The following DAB1 variants were observed in gnomAD, a reference collection of about 807,000 sequenced individuals.
The protein encoded by DAB1 is DAB adaptor protein 1.
Under a neutral mutation model 64.6 loss-of-function variants are expected in DAB1, and 15 were observed. That is an observed-to-expected ratio of 0.23 (90% CI 0.16 to 0.36). The LOEUF (loss-of-function observed/expected upper bound fraction) is 0.36. Among genes scored for constraint, DAB1 ranks in the 10% least tolerant of loss-of-function variants. The pLI is 1.00. For missense variants in DAB1, 596 were observed against 706.7 expected (o/e 0.84, Z 1.78); for synonymous variants, 235 against 251.9 (o/e 0.93, Z 0.64).
At chr1:57,636,700 AC>A (rs2101635628) in intron 7 of DAB1, among the ~76,000 whole-genome samples, 1 of 152,314 alleles carries the variant, frequency 6.6e-6, no homozygotes, top group Non-Finnish European at 1.5e-5. Flanking sequence ...CAAGGTTCTG[AC>A]TGAGCACCTG....
intron 7 of DAB1, among the ~76,000 whole-genome samples, chr1:57,599,366 A>G (rs1410343490): frequency 1.3e-5 from 2 of 152,024 alleles, no homozygotes; most frequent in African/African-American, 4.8e-5. Context: ...GCAGGGCTAC[A>G]CACTCCACTC....
intron 2 of DAB1, among the ~76,000 whole-genome samples, chr1:57,194,485 C>T (rs962812518): frequency 2.0e-5 from 3 of 152,272 alleles, no homozygotes; most frequent in African/African-American, 4.8e-5. Context: ...TTGATGATTG[C>T]TGCAAAAGAA....
At chr1:57,050,133 C>T (rs566942730) in intron 9 of DAB1, among the ~76,000 whole-genome samples, 10 of 152,206 alleles carry the variant, frequency 6.6e-5, no homozygotes, top group African/African-American at 1.2e-4. Context: ...TTGGTTTTTC[C>T]GCTCTTCTAA....
intron 1 of DAB1, among the ~76,000 whole-genome samples, chr1:57,398,145 C>T (rs534714975): frequency 2.6e-5 from 4 of 152,278 alleles, no homozygotes; most frequent in Admixed American, 2.6e-4. Context: ...ATTCAGTCAA[C>T]ACTATCGAGT....
chr1:57,267,270 A>G (rs900262263), intron 2 of DAB1, among the ~76,000 whole-genome samples: 1 of 151,568 alleles, frequency 6.6e-6, no homozygotes, highest in Non-Finnish European at 1.5e-5. Context: ...TTCCACAGGG[A>G]GTGAGTGCAA....
intron 7 of DAB1, among the ~76,000 whole-genome samples, chr1:57,578,006 C>T (rs1325696230): frequency 6.6e-6 from 1 of 152,172 alleles, no homozygotes; most frequent in Non-Finnish European, 1.5e-5. Context: ...ACAGAGGTGC[C>T]ACCTCCACTG....
At chr1:57,667,640 A>G (rs1359083680) in intron 6 of DAB1, among the ~76,000 whole-genome samples, 1 of 152,152 alleles carries the variant, frequency 6.6e-6, no homozygotes, top group African/African-American at 2.4e-5. Flanking sequence ...GCCACTAGCT[A>G]CATACGATTT....
At chr1:58,016,991 G>A (rs569085049) in intron 5 of DAB1, among the ~76,000 whole-genome samples, 67 of 152,192 alleles carry the variant, frequency 4.4e-4, no homozygotes, top group Non-Finnish European at 8.2e-4. Context: ...TCTGTTATTC[G>A]TAGATAAAGA....
intron 6 of DAB1, among the ~76,000 whole-genome samples, chr1:57,768,459 C>CT (rs1329253915): frequency 6.6e-6 from 1 of 151,390 alleles, no homozygotes; most frequent in Non-Finnish European, 1.5e-5. Context: ...CCAAATAACA[C>CT]TCTTTTTTGT....
chr1:57,877,731 T>C (rs1454678722), intron 1 of DAB1, among the ~76,000 whole-genome samples: 2 of 80,196 alleles, frequency 2.5e-5, no homozygotes, highest in African/African-American at 5.5e-5. Flanking sequence ...CGGCTAATTT[T>C]TTTTTTGTAT....
intron 3 of DAB1, among the ~76,000 whole-genome samples, chr1:58,423,096 T>C (rs79330579): frequency 0.011 from 1,655 of 152,246 alleles, 36 homozygotes; most frequent in African/African-American, 0.037. Flanking sequence ...GCAAATAACC[T>C]TCTAGGAAAA....
At chr1:58,005,331 T>C (rs1646565619) in intron 5 of DAB1, among the ~76,000 whole-genome samples, 2 of 152,018 alleles carry the variant, frequency 1.3e-5, no homozygotes, top group East Asian at 3.9e-4. Flanking sequence ...TCTGCCCAAA[T>C]ATCTAGGCCA....
At chr1:57,181,392 C>T (rs1283267884) in intron 2 of DAB1, among the ~76,000 whole-genome samples, 3 of 152,306 alleles carry the variant, frequency 2.0e-5, no homozygotes, top group Admixed American at 6.5e-5. Flanking sequence ...TTACACAGAC[C>T]TGATAATCAA....
rs149616573 is a variant in DAB1 at position 58,267,605 on chromosome 1, G to A, written n.309+75747C>T. On this transcript the variant is annotated intron_variant and non_coding_transcript_variant, in intron 4 of 20. Transcript: ENST00000485760. Reference sequence around the variant, plus strand: ...AGAACTAGGACTGAAAAGGGGTGGTGTGAGGTCATCCTTTGCTAAATCTCC... The same window carrying A: ...AGAACTAGGACTGAAAAGGGGTGGTATGAGGTCATCCTTTGCTAAATCTCC... Among the ~76,000 whole-genome samples, 20 of 152,340 alleles carry A rather than the reference G, an allele frequency of 1.3e-4. No individual in the cohort carries two copies. In the East Asian group the frequency reaches 3.3e-3, roughly 25 times the overall value.
At position 58,074,564 on chromosome 1, in the gene DAB1, G is replaced by GTGTATATA. The variant is rs1332531604; in HGVS notation, n.387+75946_387+75947insTATATACA. ...TATATACACACATATATATATGTGT[G>GTGTATATA]TATATATATATATATATATATATAT... On this transcript the variant is annotated intron_variant and non_coding_transcript_variant, in intron 5 of 20. Coordinates refer to the DAB1 transcript ENST00000485760. The GTGTATATA allele has an allele frequency of 9.2e-4, 84 of 91,640 alleles. 1 individual carries two copies. The highest frequency in any genetic ancestry group is 3.4e-3 in the African/African-American group (78 of 22,956). The allele number at this position is 91,640 out of a possible 1,614,324, so 5.7% of individuals were successfully genotyped here. A position where few individuals can be genotyped will look rare whatever the true frequency, so the allele number is the denominator to read the frequency against.
At position 57,007,028 on chromosome 1, in the gene DAB1, T is replaced by TTC. The variant is rs36064832; in HGVS notation, c.*15+3650_*15+3651dup. On this transcript the variant is annotated intron_variant, in intron 14 of 14. Transcript: ENST00000371236. The stretch of plus-strand genomic sequence containing the variant: ...CCCTTCCCTCCCTACCTCCTTTTTT[T>TTC]TCTCTCTCTCTCTTCCTCTCTCACT... Among the ~76,000 whole-genome samples, 260 of 152,012 alleles carry TTC rather than the reference T, an allele frequency of 1.7e-3. 2 individuals are homozygous for TTC. Among genetic ancestry groups the TTC allele is most frequent in the African/African-American group, 6.0e-3 (249 of 41,498 alleles).
At chr1:57,098,247 G>C (rs1485377986) in intron 4 of DAB1, among the ~76,000 whole-genome samples, 1 of 152,034 alleles carries the variant, frequency 6.6e-6, no homozygotes, top group African/African-American at 2.4e-5. Flanking sequence ...TTTATTTACT[G>C]TCTACTTGGT....
chr1:57,901,529 C>T (rs2101995523), intron 5 of DAB1, among the ~76,000 whole-genome samples: 1 of 152,270 alleles, frequency 6.6e-6, no homozygotes, highest in South Asian at 2.1e-4. Flanking sequence ...TAGCCCCTCT[C>T]ACTGCTACAA....
intron 6 of DAB1, among the ~76,000 whole-genome samples, chr1:57,806,490 G>A (rs1274881757): frequency 6.6e-6 from 1 of 152,152 alleles, no homozygotes; most frequent in Non-Finnish European, 1.5e-5. Flanking sequence ...GGCAACGACT[G>A]GCCACAAACC....
Sources: gnomAD v4.1 joint callset for allele counts (sites outside exome capture counted in the v4.1 genomes callset) on GRCh38, gnomAD v4.1.1 for gene constraint, MANE v1.5 for transcripts, NCBI Gene and HGNC (gene_info 2026-07-23, HGNC 2026-07-21) for gene names.